Variants in DSCAML1 observed in about 807,000 individuals in gnomAD.
DSCAML1 encodes the protein cell adhesion molecule DSCAML1.
A neutral mutation model predicts 200.5 loss-of-function variants in DSCAML1; 38 were observed. The observed-to-expected ratio is 0.19, with a 90% CI of 0.15 to 0.25. The LOEUF (loss-of-function observed/expected upper bound fraction) is 0.25, where lower values mean the gene tolerates loss of function less well. Ranked by LOEUF, DSCAML1 falls within the 10% of genes least tolerant of loss-of-function variation. The pLI is 1.00. For missense variants in DSCAML1, 2,223 were observed against 2,858.8 expected (o/e 0.78, Z 5.07); for synonymous variants, 1,215 against 1,165.0 (o/e 1.04, Z -0.87).
At chr11:117,609,562 C>T (rs1282234479) in intron 3 of DSCAML1, among the ~76,000 whole-genome samples, 1 of 152,164 alleles carries the variant, frequency 6.6e-6, no homozygotes, top group African/African-American at 2.4e-5. Context: ...TTGCGTCGGC[C>T]TCCCAAAGTG....
chr11:117,640,184 C>T (rs975877334), intron 3 of DSCAML1, among the ~76,000 whole-genome samples: 1 of 152,182 alleles, frequency 6.6e-6, no homozygotes, highest in Non-Finnish European at 1.5e-5. Context: ...CTCCTTCCTC[C>T]GTTCTTCCTC....
At chr11:117,759,682 C>T (rs894752617) in intron 3 of DSCAML1, among the ~76,000 whole-genome samples, 27 of 152,110 alleles carry the variant, frequency 1.8e-4, no homozygotes, top group African/African-American at 6.3e-4. Context: ...CCTCTCTGGA[C>T]GGGAGGACAG....
chr11:117,662,910 G>A (rs2052885058), intron 3 of DSCAML1, among the ~76,000 whole-genome samples: 1 of 152,204 alleles, frequency 6.6e-6, no homozygotes, highest in Non-Finnish European at 1.5e-5. Flanking sequence ...TCCCAAGCAT[G>A]TGATTGCCAG....
At position 117,770,441 on chromosome 11, in the gene DSCAML1, C is replaced by T. The variant is rs138699887; in HGVS notation, c.511+6350G>A. Among the ~76,000 whole-genome samples the T allele has an allele frequency of 1.1e-4, 16 of 152,226 alleles. No homozygotes were observed. The East Asian group carries it at 2.1e-3, about 20-fold the overall frequency. On this transcript the variant is annotated intron_variant, in intron 3 of 32. Transcript: ENST00000651296. ...ACAAGAGGAACACACAGAAGCAACT[C>T]GGCATTATGGAGGTGAAGGACCACC... is the stretch of plus-strand genomic sequence containing the variant.
intron 3 of DSCAML1, among the ~76,000 whole-genome samples, chr11:117,764,321 G>A (rs568399253): frequency 6.6e-6 from 1 of 152,248 alleles, no homozygotes; most frequent in South Asian, 2.1e-4. Flanking sequence ...ACACATCTAT[G>A]TACCTATTCA....
chr11:117,570,915 A>T (rs898439892), intron 3 of DSCAML1, among the ~76,000 whole-genome samples: 1 of 152,204 alleles, frequency 6.6e-6, no homozygotes, highest in African/African-American at 2.4e-5. Context: ...ACGAATCAGG[A>T]TCCAGCTCTC....
At chr11:117,572,560 G>C (rs1228550405) in intron 3 of DSCAML1, among the ~76,000 whole-genome samples, 1 of 152,178 alleles carries the variant, frequency 6.6e-6, no homozygotes, top group African/African-American at 2.4e-5. Flanking sequence ...GTATCCTCCG[G>C]TCACACCAGC....
chr11:117,512,325 G>T (rs902553935), intron 8 of DSCAML1, among the ~76,000 whole-genome samples: 1 of 152,092 alleles, frequency 6.6e-6, no homozygotes, highest in African/African-American at 2.4e-5. Flanking sequence ...ATGCCCACGG[G>T]CACCTCCTCC....
chr11:117,713,737 G>A (rs1314332506), intron 3 of DSCAML1, among the ~76,000 whole-genome samples: 1 of 152,242 alleles, frequency 6.6e-6, no homozygotes, highest in Non-Finnish European at 1.5e-5. Flanking sequence ...GGCCTTGACA[G>A]ATTCTGCGGA....
At chr11:117,577,394 TCCC>T in intron 3 of DSCAML1, among the ~76,000 whole-genome samples, 1 of 132,916 alleles carries the variant, frequency 7.5e-6, no homozygotes, top group Admixed American at 7.6e-5. Flanking sequence ...CCTTCCTCCC[TCCC>T]TCCCTCCCTC....
At chr11:117,499,064 C>A (rs2049347680) in intron 11 of DSCAML1, among the ~76,000 whole-genome samples, 1 of 152,146 alleles carries the variant, frequency 6.6e-6, no homozygotes, top group African/African-American at 2.4e-5. Context: ...CACAGCCAGC[C>A]TTCTTATGCC....
intron 3 of DSCAML1, among the ~76,000 whole-genome samples, chr11:117,666,957 G>T (rs1053842846): frequency 2.6e-5 from 4 of 152,166 alleles, no homozygotes; most frequent in Non-Finnish European, 2.9e-5. Context: ...TTTGGGGGTA[G>T]GGCTGTCAGG....
At chr11:117,657,786 C>T (rs897982094) in intron 3 of DSCAML1, among the ~76,000 whole-genome samples, 7 of 152,046 alleles carry the variant, frequency 4.6e-5, no homozygotes, top group African/African-American at 1.7e-4. Context: ...CTTTGAAGGC[C>T]CCCTTTTAGC....
chr11:117,532,668 G>A (rs1475287064), intron 3 of DSCAML1, 146 bp from the exon 4 acceptor site: 2 of 831,244 alleles, frequency 2.4e-6, no homozygotes, highest in Admixed American at 3.0e-5. Context: ...CAGTGTAGAT[G>A]CTCCAGGGTT....
chr11:117,579,330 C>A (rs1280515501), intron 3 of DSCAML1, among the ~76,000 whole-genome samples: 2 of 152,240 alleles, frequency 1.3e-5, no homozygotes, highest in Non-Finnish European at 2.9e-5. Context: ...GCCCTGCCCA[C>A]TTCTTGGACT....
In DSCAML1 at chr11:117,471,878, C is replaced by T; in HGVS notation, c.2944G>A (p.Glu982Lys). The T allele has an allele frequency of 6.2e-7, 1 of 1,609,476 alleles. No homozygotes were observed. The highest frequency in any genetic ancestry group is 1.1e-5 in the South Asian group (1 of 90,932). The change falls in exon 15 of 33, where the codon GAG becomes AAG. Residue 982 changes from glutamate to lysine, a missense_variant. Transcript: ENST00000651296. ...TGGGTGAGGTGCTCACCGGCCTCCT[C>T]AGTGCTGATGGTGAGCTCCTTGCTT... is the stretch of plus-strand genomic sequence containing the variant. The part of the protein sequence containing the change: ...EPSKELTIST[E>K]EAAPDGPPMD...
chr11:117,769,186 A>ATAT (rs35462361), intron 3 of DSCAML1, among the ~76,000 whole-genome samples: 17,025 of 33,802 alleles, frequency 0.5, 3,105 homozygotes, highest in African/African-American at 0.56. Flanking sequence ...TATATTATAC[A>ATAT]TATATATTTT....
In DSCAML1 at chr11:117,716,267, C is replaced by T. The variant is rs993179532; in HGVS notation, c.511+60524G>A. 2.0e-5 allele frequency among the ~76,000 whole-genome samples: 3 copies of T among 152,292 alleles called. No individual in the cohort carries two copies. The South Asian group carries it at 6.2e-4, about 32-fold the overall frequency. On this transcript the variant is annotated intron_variant, in intron 3 of 32. Transcript: ENST00000651296. ...TCCCTGGATGGCCGGGGTTCTGGTC[C>T]CAGCCGTGTTGTTAACCAGCTGAAC...
intron 3 of DSCAML1, among the ~76,000 whole-genome samples, chr11:117,738,865 T>G (rs2054371381): frequency 6.6e-6 from 1 of 152,174 alleles, no homozygotes; most frequent in Non-Finnish European, 1.5e-5. Flanking sequence ...TCTGCAGCAG[T>G]CCCTTTCCCT....
Sources: gnomAD v4.1 joint callset for allele counts (sites outside exome capture counted in the v4.1 genomes callset) on GRCh38, gnomAD v4.1.1 for gene constraint, MANE v1.5 for transcripts, NCBI Gene and HGNC (gene_info 2026-07-23, HGNC 2026-07-21) for gene names.